TENM4: variants seen among roughly 807,000 people sequenced by gnomAD.
TENM4 encodes the protein teneurin transmembrane protein 4.
A neutral mutation model predicts 243.3 loss-of-function variants in TENM4; 82 were observed. The observed-to-expected ratio is 0.34, with a 90% CI of 0.28 to 0.40. TENM4 has a LOEUF of 0.40. TENM4 is among the 10% of genes least tolerant of loss of function. The probability of loss-of-function intolerance (pLI) is 1.00; values close to 1 mark genes in which losing one functional copy is unlikely to be tolerated. For synonymous variants in TENM4, 1,412 were observed against 1,456.3 expected, an observed-to-expected ratio of 0.97 and a Z score of 0.69; for missense variants, 3,138 against 3,673.3, an observed-to-expected ratio of 0.85 and a Z score of 3.77.
intron 6 of TENM4, among the ~76,000 whole-genome samples, chr11:79,038,344 G>T (rs1859438596): frequency 6.6e-6 from 1 of 152,158 alleles, no homozygotes; most frequent in Non-Finnish European, 1.5e-5. Context: ...AACTCATCAA[G>T]TGCCACCTGC....
intron 10 of TENM4, among the ~76,000 whole-genome samples, chr11:78,857,381 T>C (rs751110476): frequency 4.1e-4 from 63 of 152,328 alleles, no homozygotes; most frequent in South Asian, 8.3e-4. Flanking sequence ...AATTAAAATG[T>C]CTTTCTTTCC....
intron 12 of TENM4, among the ~76,000 whole-genome samples, chr11:78,819,979 C>A (rs1857692052): frequency 6.6e-6 from 1 of 152,190 alleles, no homozygotes; most frequent in South Asian, 2.1e-4. Flanking sequence ...CCAGGATGGC[C>A]ACCTGGATAT....
In TENM4 at chr11:78,934,187, A is replaced by C. The variant is rs540207350; in HGVS notation, c.494-30664T>G. On this transcript the variant is annotated intron_variant, in intron 6 of 33. Transcript: ENST00000278550. ...AAAGACAGAGTGGGGCTGTAGTCACAATATTGGGGCTTTGATGCAGGCTCT... is the reference window on the plus strand; with the variant it reads ...AAAGACAGAGTGGGGCTGTAGTCACCATATTGGGGCTTTGATGCAGGCTCT... Among the ~76,000 whole-genome samples the C allele has an allele frequency of 4.2e-4, 64 of 152,320 alleles. No homozygotes were observed. The South Asian group carries it at 0.013, about 31-fold the overall frequency.
At chr11:78,823,062 C>T (rs1241912382) in intron 12 of TENM4, among the ~76,000 whole-genome samples, 3 of 152,226 alleles carry the variant, frequency 2.0e-5, no homozygotes, top group African/African-American at 7.2e-5. Flanking sequence ...TCTTGTTCTG[C>T]TGCGTCTCCC....
intron 1 of TENM4, among the ~76,000 whole-genome samples, chr11:79,326,512 T>C (rs1856978405): frequency 1.3e-5 from 2 of 152,192 alleles, no homozygotes; most frequent in African/African-American, 4.8e-5. Context: ...TCCTCACTCA[T>C]TTGTCTCTTG....
At chr11:79,105,575 A>G (rs1302913210) in intron 4 of TENM4, among the ~76,000 whole-genome samples, 5 of 152,214 alleles carry the variant, frequency 3.3e-5, no homozygotes, top group African/African-American at 1.2e-4. Flanking sequence ...GTTGGCTGAG[A>G]AAACAAGGGC....
intron 6 of TENM4, among the ~76,000 whole-genome samples, chr11:78,943,103 G>C (rs1047906466): frequency 6.6e-6 from 1 of 152,224 alleles, no homozygotes. Flanking sequence ...CCAGAGAAGA[G>C]GACTTCAACT....
rs191422033 is a variant in TENM4, at chr11:78,818,000, T to C, written c.1682-3605A>G. On this transcript the variant is annotated intron_variant, in intron 12 of 33. Transcript: ENST00000278550. Reference sequence around the variant, plus strand: ...TTCCCTCCCTCTTATTAAAATACCATATAGGTTTCATTGTTGACTGTGAAC... The same window carrying C: ...TTCCCTCCCTCTTATTAAAATACCACATAGGTTTCATTGTTGACTGTGAAC... Among the ~76,000 whole-genome samples, 41 of 152,276 alleles carry C rather than the reference T, an allele frequency of 2.7e-4. 1 individual carries two copies. In the East Asian group the frequency reaches 4.3e-3, roughly 16 times the overall value.
Position 78,704,479 on chromosome 11 carries a change from C to T in TENM4, c.4210-2076G>A, listed in dbSNP as rs369966950. Among the ~76,000 whole-genome samples the T allele has an allele frequency of 2.0e-5, 3 of 151,748 alleles. No homozygotes were observed. In the East Asian group the frequency reaches 5.8e-4, roughly 29 times the overall value. ...ACTGAGAACTGGCTAAATAATAGTA[C>T]ATTTAGTTTGCTCATAAATTGGAAT... is the stretch of plus-strand genomic sequence containing the variant. On this transcript the variant is annotated intron_variant, in intron 27 of 33. Coordinates refer to ENST00000278550, the MANE Select transcript of TENM4 (RefSeq NM_001098816.3).
intron 6 of TENM4, among the ~76,000 whole-genome samples, chr11:78,905,062 G>A (rs1049370285): frequency 2.6e-5 from 4 of 152,148 alleles, no homozygotes; most frequent in Admixed American, 2.6e-4. Flanking sequence ...GTAAAATAGG[G>A]GAAATAGTTT....
intron 4 of TENM4, among the ~76,000 whole-genome samples, chr11:79,102,288 T>G (rs1273462382): frequency 6.6e-6 from 1 of 152,206 alleles, no homozygotes; most frequent in African/African-American, 2.4e-5. Context: ...AAAGCTGGGT[T>G]AGACACTTGG....
At chr11:79,380,158 G>T (rs150466663) in intron 1 of TENM4, among the ~76,000 whole-genome samples, 153 of 152,256 alleles carry the variant, frequency 1.0e-3, no homozygotes, top group African/African-American at 3.5e-3. Context: ...AGGTGTGATG[G>T]CAACATCTCC....
At chr11:79,135,742 C>CATATAT (rs1280724558) in intron 4 of TENM4, among the ~76,000 whole-genome samples, 1 of 136,702 alleles carries the variant, frequency 7.3e-6, no homozygotes, top group East Asian at 2.3e-4. Flanking sequence ...ATATATACAT[C>CATATAT]ATATATACAT....
At chr11:79,065,140 G>C in intron 5 of TENM4, 133 bp from the exon 6 acceptor site, 1 of 1,363,216 alleles carries the variant, frequency 7.3e-7, no homozygotes, top group Non-Finnish European at 9.5e-7. Context: ...CTATGCCCAT[G>C]CCTTTGTTCA....
Position 79,339,181 on chromosome 11 carries a change from C to T in TENM4, c.-320-41638G>A, listed in dbSNP as rs140905238. 4.0e-3 allele frequency among the ~76,000 whole-genome samples: 614 copies of T among 152,260 alleles called. 4 individuals are homozygous for T. The highest frequency in any genetic ancestry group is 0.014 in the African/African-American group (595 of 41,550). ...GGGGCTGTCCTTTGGTGTCCCATTC[C>T]GTGATCCAGTGAGAAAAGAACAACA... On this transcript the variant is annotated intron_variant, in intron 1 of 33. Transcript: ENST00000278550.
intron 17 of TENM4, among the ~76,000 whole-genome samples, chr11:78,776,013 C>T (rs1053073678): frequency 6.6e-6 from 1 of 152,086 alleles, no homozygotes; most frequent in African/African-American, 2.4e-5. Context: ...TATCAAATGG[C>T]CCATTTCTTT....
At chr11:78,858,900 A>C (rs1399349656) in intron 10 of TENM4, among the ~76,000 whole-genome samples, 2 of 152,206 alleles carry the variant, frequency 1.3e-5, no homozygotes, top group Admixed American at 6.5e-5. Context: ...ATGAGCTCCA[A>C]GCACAGTGGC....
chr11:78,913,566 G>A (rs1056559239), intron 6 of TENM4, among the ~76,000 whole-genome samples: 2 of 149,736 alleles, frequency 1.3e-5, no homozygotes, highest in African/African-American at 4.9e-5. Context: ...AGGAACCATA[G>A]TTGATGGGTA....
At chr11:79,132,188 A>C (rs190876397) in intron 4 of TENM4, among the ~76,000 whole-genome samples, 331 of 149,512 alleles carry the variant, frequency 2.2e-3, no homozygotes, top group African/African-American at 7.5e-3. Context: ...TAAAAATACA[A>C]AAAAAAAATG....
Sources: gnomAD v4.1 joint callset for allele counts (sites outside exome capture counted in the v4.1 genomes callset) on GRCh38, gnomAD v4.1.1 for gene constraint, MANE v1.5 for transcripts, NCBI Gene and HGNC (gene_info 2026-07-23, HGNC 2026-07-21) for gene names.